The following GREB1 variants were observed in gnomAD, a reference collection of about 807,000 sequenced individuals.
GREB1 encodes protein GREB1.
GREB1 carries 106 observed loss-of-function variants against 200.7 expected under a neutral mutation model. The ratio of observed to expected loss-of-function variants is 0.53; its 90% CI spans 0.45 to 0.62. GREB1 has a LOEUF of 0.62. GREB1 is among the 20% of genes least tolerant of loss of function. GREB1 has a pLI of 0.00. For missense variants in GREB1, 2,243 were observed against 2,556.8 expected (o/e 0.88, Z 2.65); for synonymous variants, 1,132 against 1,092.4 (o/e 1.04, Z -0.72).
At chr2:11,589,103 TG>T (rs1350113766) in intron 10 of GREB1, among the ~76,000 whole-genome samples, 172 bp downstream of exon 10, 1 of 152,066 alleles carries the variant, frequency 6.6e-6, no homozygotes, top group Admixed American at 6.6e-5. Flanking sequence ...GTCCCCACAC[TG>T]GGGGGCTGAA....
chr2:11,602,580 T>C (rs1681880208), intron 17 of GREB1, 38 bp downstream of exon 17: 2 of 1,593,772 alleles, frequency 1.3e-6, no homozygotes, highest in Non-Finnish European at 1.7e-6. Flanking sequence ...AAGTGCTCAG[T>C]AGCTTAAAGG....
rs1309301927 is a variant in GREB1, at chr2:11,538,935, TCCC to T, written c.-162+4683_-162+4685del. The stretch of plus-strand genomic sequence containing the variant: ...CCCCCTCCCCTCCCCTCGTGTCCCC[TCCC>T]CTCCCCTCGTGTCCCCTCCCCTCCT... On this transcript the variant is annotated intron_variant, in intron 1 of 32. Coordinates refer to ENST00000381486, the MANE Select transcript of GREB1 (RefSeq NM_014668.4). 4.4e-4 allele frequency among the ~76,000 whole-genome samples: 5 copies of T among 11,242 alleles called. 1 individual carries two copies. The highest frequency in any genetic ancestry group is 1.1e-3 in the African/African-American group (5 of 4,666). 7.4% of individuals were successfully genotyped at this position (11,242 alleles called of 152,430 possible). A position where few individuals can be genotyped will look rare whatever the true frequency, so the allele number is the denominator to read the frequency against.
intron 4 of GREB1, among the ~76,000 whole-genome samples, chr2:11,574,300 A>G (rs16857649): frequency 0.051 from 7,758 of 152,264 alleles, 671 homozygotes; most frequent in African/African-American, 0.18. Context: ...TAATGATGGG[A>G]AAAAGACACA....
intron 1 of GREB1, among the ~76,000 whole-genome samples, chr2:11,541,445 GA>G (rs768902716): frequency 0.055 from 6,948 of 125,298 alleles, 278 homozygotes; most frequent in East Asian, 0.16. Flanking sequence ...TGGCAAGTGA[GA>G]GGGGGGCCAT....
intron 24 of GREB1, among the ~76,000 whole-genome samples, chr2:11,625,597 G>A (rs925772882): frequency 6.6e-6 from 1 of 152,172 alleles, no homozygotes; most frequent in South Asian, 2.1e-4. Context: ...GATAAAAGAC[G>A]TGTATGTTTA....
chr2:11,639,882 G>A (rs1162588548), intron 32 of GREB1, among the ~76,000 whole-genome samples: 2 of 152,128 alleles, frequency 1.3e-5, no homozygotes, highest in Admixed American at 6.5e-5. Context: ...TGGCTGGCAC[G>A]TGGGACAGTG....
chr2:11,566,539 G>A lies in GREB1; in HGVS notation c.337G>A (p.Val113Ile). 6.2e-7 allele frequency: 1 copy of A among 1,614,058 alleles called. No individual in the cohort carries two copies. The highest frequency in any genetic ancestry group is 8.5e-7 in the Non-Finnish European group (1 of 1,179,978). Reference protein sequence around the residue: ...LVSISNEPMDVPAGFLLVGVK... With the variant: ...LVSISNEPMDIPAGFLLVGVK... ...CTCCATTTCCAACGAGCCCATGGATGTCCCTGCGGGCTTTCTCCTCGTGGG... is the reference window on the plus strand; with the variant it reads ...CTCCATTTCCAACGAGCCCATGGATATCCCTGCGGGCTTTCTCCTCGTGGG... The change falls in exon 4 of 33, where the codon GTC becomes ATC. Residue 113 changes from valine to isoleucine, a missense_variant. Transcript: ENST00000381486.
intron 1 of GREB1, among the ~76,000 whole-genome samples, chr2:11,500,004 C>A (rs539598496): frequency 1.3e-5 from 2 of 150,496 alleles, no homozygotes; most frequent in East Asian, 3.9e-4. Context: ...TTTTTTGAGG[C>A]GGAGTCTCAC....
At chr2:11,603,442 G>C (rs1681963965) in intron 17 of GREB1, among the ~76,000 whole-genome samples, 1 of 152,208 alleles carries the variant, frequency 6.6e-6, no homozygotes. Context: ...TAAGCATAAA[G>C]GGGTTCCATG....
rs1379673826 is a variant in GREB1 at position 11,629,448 on chromosome 2, G to A, written c.4450-500G>A. ...CACCTGTAAAATGGGGATGATGACA[G>A]TACTGCTTTGTAGGATTGTTAATCG... On this transcript the variant is annotated intron_variant, in intron 25 of 32. Transcript: ENST00000381486. The surrounding 1 kb of genome is among the most constrained non-coding windows in gnomAD (Gnocchi z 5.2). Among the ~76,000 whole-genome samples the A allele has an allele frequency of 2.0e-5, 3 of 152,222 alleles. No homozygotes were observed. The highest frequency in any genetic ancestry group is 4.4e-5 in the Non-Finnish European group (3 of 68,040).
Position 11,633,984 on chromosome 2 carries a change from G to T in GREB1, c.4992-147G>T. The T allele has an allele frequency of 1.4e-6, 1 of 712,864 alleles. No homozygotes were observed. The highest frequency in any genetic ancestry group is 2.6e-5 in the East Asian group (1 of 38,950). 44.2% of individuals were successfully genotyped at this position (712,864 alleles called of 1,614,324 possible). A position where few individuals can be genotyped will look rare whatever the true frequency, so the allele number is the denominator to read the frequency against. On this transcript the variant is annotated intron_variant, in intron 28 of 32. Transcript: ENST00000381486. This position sits in a 1 kb window ranked among gnomAD's most constrained non-coding sequence, Gnocchi z 4.1. The stretch of plus-strand genomic sequence containing the variant: ...GCGCCCGTGGGAAGCGCCCAGCAGG[G>T]TGCCTGGCCCTGGGGGGACTGTGCG...
intron 1 of GREB1, among the ~76,000 whole-genome samples, chr2:11,508,566 T>TGCTTGA (rs1673247865): frequency 6.6e-6 from 1 of 152,188 alleles, no homozygotes; most frequent in Non-Finnish European, 1.5e-5. Flanking sequence ...CGTGGCTTGC[T>TGCTTGA]GCTTGAACAA....
Position 11,600,973 on chromosome 2 carries a change from A to T in GREB1, c.2507A>T (p.His836Leu), listed in dbSNP as rs1184090395. 6.2e-7 allele frequency: 1 copy of T among 1,612,644 alleles called. No individual in the cohort carries two copies. Among genetic ancestry groups the T allele is most frequent in the South Asian group, 1.1e-5 (1 of 91,034 alleles). Reference sequence around the variant, plus strand: ...CTCATCAGCCCCTACAACGAGATCCACTGGCCTGCCTCCTGCAGTAATGTG... The same window carrying T: ...CTCATCAGCCCCTACAACGAGATCCTCTGGCCTGCCTCCTGCAGTAATGTG... ...HTLISPYNEI[H>L]WPASCSNGVD... The change falls in exon 16 of 33, where the codon CAC becomes CTC. Residue 836 changes from histidine (H) to leucine (L), a missense_variant. Coordinates refer to ENST00000381486, the MANE Select transcript of GREB1 (RefSeq NM_014668.4).
chr2:11,576,018 G>A (rs1234560710), intron 4 of GREB1, among the ~76,000 whole-genome samples: 1 of 152,228 alleles, frequency 6.6e-6, no homozygotes, highest in African/African-American at 2.4e-5. Flanking sequence ...CTAAGAGGGT[G>A]GGGTGCTTGC....
chr2:11,528,974 C>G (rs1193929094), intron 1 of GREB1, among the ~76,000 whole-genome samples: 2 of 152,150 alleles, frequency 1.3e-5, no homozygotes, highest in Non-Finnish European at 2.9e-5. Context: ...AAAGAGAAGA[C>G]TTTATTTTCT....
intron 2 of GREB1, among the ~76,000 whole-genome samples, chr2:11,558,246 C>T (rs1676631461): frequency 1.3e-5 from 2 of 152,164 alleles, no homozygotes; most frequent in African/African-American, 4.8e-5. Flanking sequence ...GGGCTGCCCA[C>T]AGCGGGAGAG....
intron 2 of GREB1, among the ~76,000 whole-genome samples, chr2:11,559,786 A>T (rs527481078): frequency 1.3e-5 from 2 of 152,314 alleles, no homozygotes; most frequent in East Asian, 3.9e-4. Flanking sequence ...ATGTAATGGC[A>T]GGAAGAAAGC....
At chr2:11,614,476 C>G (rs1683216477) in intron 19 of GREB1, among the ~76,000 whole-genome samples, 1 of 151,978 alleles carries the variant, frequency 6.6e-6, no homozygotes, top group South Asian at 2.1e-4. Context: ...AAATCAGAGC[C>G]TCAGAGAAGT....
intron 3 of GREB1, chr2:11,562,980 C>CTTTCTTTCTTTCT (rs1553356357): frequency 3.4e-5 from 5 of 147,964 alleles, no homozygotes; most frequent in African/African-American, 9.9e-5. Context: ...TTCTTTCTTT[C>CTTTCTTTCTTTCT]TTTTTTTTTT....
Sources: gnomAD v4.1 joint callset for allele counts (sites outside exome capture counted in the v4.1 genomes callset) on GRCh38, gnomAD v4.1.1 for gene constraint, Gnocchi (gnomAD v3.1) non-coding constraint, MANE v1.5 for transcripts, NCBI Gene and HGNC (gene_info 2026-07-23, HGNC 2026-07-21) for gene names.